The following TXNDC17 variants were observed in gnomAD, a reference collection of about 807,000 sequenced individuals.
TXNDC17 encodes the protein thioredoxin domain containing 17, also known as thioredoxin domain-containing protein 17.
TXNDC17 carries 12 observed loss-of-function variants against 16.3 expected under a neutral mutation model. That is an observed-to-expected ratio of 0.74 (90% CI 0.47 to 1.19). TXNDC17 has a LOEUF of 1.19. Ranked by LOEUF, TXNDC17 falls within the 50% of genes most tolerant of loss-of-function variation. The probability of loss-of-function intolerance (pLI) is 0.00; values close to 1 mark genes in which losing one functional copy is unlikely to be tolerated. For missense variants in TXNDC17, 158 were observed against 149.7 expected (o/e 1.06, Z -0.29); for synonymous variants, 62 against 55.0 (o/e 1.13, Z -0.56).
chr17:6,641,642 G>A, intron 1 of TXNDC17, 111 bp from the exon 2 acceptor site: 1 of 1,029,614 alleles, frequency 9.7e-7, no homozygotes, highest in Non-Finnish European at 1.5e-6. Flanking sequence ...GTTAGCTGCA[G>A]GTTAAAGTCT....
chr17:6,641,286 G>T (rs1021711422), intron 1 of TXNDC17, 59 bp downstream of exon 1: 2 of 1,599,442 alleles, frequency 1.3e-6, no homozygotes, highest in Non-Finnish European at 1.7e-6. Flanking sequence ...TCGAGCCTAC[G>T]GCCAGAAGGG....
intron 3 of TXNDC17, 180 bp downstream of exon 3, chr17:6,642,504 T>G (rs1390176654): frequency 3.8e-6 from 2 of 524,588 alleles, no homozygotes; most frequent in Non-Finnish European, 6.8e-6. Context: ...TATCTAGCTA[T>G]TAGGTCTTTT....
In TXNDC17 at chr17:6,644,028, C is replaced by A. The variant is rs564993875; in HGVS notation, c.*1009C>A. Reference sequence around the variant, plus strand: ...TATGATTTAAAGAGGTCAGTGACTCCGCTACTCTCACTACATCTTAGAGTA... The same window carrying A: ...TATGATTTAAAGAGGTCAGTGACTCAGCTACTCTCACTACATCTTAGAGTA... On this transcript the variant is annotated 3_prime_UTR_variant, in exon 4 of 4. Coordinates refer to ENST00000250101, the MANE Select transcript of TXNDC17 (RefSeq NM_032731.4). 1.0e-5 allele frequency: 4 copies of A among 400,480 alleles called. No homozygotes were observed. The highest frequency in any genetic ancestry group is 1.8e-5 in the Non-Finnish European group (4 of 227,318). 24.8% of individuals were successfully genotyped at this position (400,480 alleles called of 1,614,324 possible).
chr17:6,642,083 C>T (rs1038750342), intron 2 of TXNDC17, 166 bp from the exon 3 acceptor site: 3 of 664,932 alleles, frequency 4.5e-6, no homozygotes, highest in Non-Finnish European at 7.9e-6. Context: ...CACTTTGAAA[C>T]TTTGCACAGG....
chr17:6,642,090 C>T, intron 2 of TXNDC17, 159 bp from the exon 3 acceptor site: 1 of 664,008 alleles, frequency 1.5e-6, no homozygotes, highest in Non-Finnish European at 2.6e-6. Context: ...AAACTTTGCA[C>T]AGGGTAATTA....
In TXNDC17 at chr17:6,641,077, G is replaced by C. The variant is rs1287237276; in HGVS notation, c.-6G>C. On this transcript the variant is annotated 5_prime_UTR_variant, in exon 1 of 4. Transcript: ENST00000250101. Reference sequence around the variant, plus strand: ...ACTCCTCCAGTAGCGGCTGCACGTCGTGCCAATGGCCCGCTATGAGGAGGT... The same window carrying C: ...ACTCCTCCAGTAGCGGCTGCACGTCCTGCCAATGGCCCGCTATGAGGAGGT... 6.2e-7 allele frequency: 1 copy of C among 1,611,834 alleles called. No individual in the cohort carries two copies. The highest frequency in any genetic ancestry group is 8.5e-7 in the Non-Finnish European group (1 of 1,179,534).
At position 6,643,109 on chromosome 17, in the gene TXNDC17, ATGATGTT is replaced by A; in HGVS notation, c.*91_*97del. ...TGCTTTGAATTCATGTTAGCAATAA[ATGATGTT>A]AAAAAAACTGGCATGTGTCTAAACA... On this transcript the variant is annotated 3_prime_UTR_variant, in exon 4 of 4. Coordinates refer to ENST00000250101, the MANE Select transcript of TXNDC17 (RefSeq NM_032731.4). 2 of 1,218,292 alleles carry A rather than the reference ATGATGTT, an allele frequency of 1.6e-6. No individual in the cohort carries two copies. Among genetic ancestry groups the A allele is most frequent in the Non-Finnish European group, 1.2e-6 (1 of 833,980 alleles). 75.5% of individuals were successfully genotyped at this position (1,218,292 alleles called of 1,614,324 possible).
At position 6,642,333 on chromosome 17, in the gene TXNDC17, C is replaced by G; in HGVS notation, c.303+9C>G. ...TACTTAAGTATGGAACAGTAAGTAT[C>G]TTTAAATATGCTGGGCCTGTAATTC... is the stretch of plus-strand genomic sequence containing the variant. On this transcript the variant is annotated intron_variant, in intron 3 of 3. Coordinates refer to ENST00000250101, the MANE Select transcript of TXNDC17 (RefSeq NM_032731.4). 6.4e-7 allele frequency: 1 copy of G among 1,565,582 alleles called. No individual in the cohort carries two copies. The highest frequency in any genetic ancestry group is 1.2e-5 in the South Asian group (1 of 86,522).
chr17:6,643,385 CTTCT>C lies in TXNDC17; in HGVS notation c.*369_*372del, dbSNP rs1972720853. 5.7e-6 allele frequency: 1 copy of C among 175,382 alleles called. No individual in the cohort carries two copies. Among genetic ancestry groups the C allele is most frequent in the Non-Finnish European group, 1.2e-5 (1 of 82,844 alleles). The allele number at this position is 175,382 out of a possible 1,614,324, so 10.9% of individuals were successfully genotyped here. The stretch of plus-strand genomic sequence containing the variant: ...GCAACTGATGATATTCCTGAAACCC[CTTCT>C]TTGATTTTGGAATGTAGAACCTAAC... On this transcript the variant is annotated 3_prime_UTR_variant, in exon 4 of 4. Transcript: ENST00000250101.
At chr17:6,641,551 A>G (rs2150945091) in intron 1 of TXNDC17, 2 of 650,904 alleles carry the variant, frequency 3.1e-6, no homozygotes, top group East Asian at 5.5e-5. Flanking sequence ...TGCAGGGGCA[A>G]ATCGGGACTG....
In TXNDC17 at chr17:6,644,477, G is replaced by A. The variant is rs1972740807; in HGVS notation, c.*1458G>A. The A allele has an allele frequency of 5.0e-6, 8 of 1,595,256 alleles. No individual in the cohort carries two copies. The highest frequency in any genetic ancestry group is 2.7e-5 in the African/African-American group (2 of 74,048). On this transcript the variant is annotated 3_prime_UTR_variant, in exon 4 of 4. Coordinates refer to ENST00000250101, the MANE Select transcript of TXNDC17 (RefSeq NM_032731.4). Reference sequence around the variant, plus strand: ...TTTGTATCCAGTTTTTCATTTTCCCGATGTGTTATTTTGCTGTTGCTGCTC... The same window carrying A: ...TTTGTATCCAGTTTTTCATTTTCCCAATGTGTTATTTTGCTGTTGCTGCTC...
chr17:6,643,021 A>G lies in TXNDC17; in HGVS notation c.*2A>G, dbSNP rs544516930. 4.3e-6 allele frequency: 7 copies of G among 1,613,180 alleles called. No individual in the cohort carries two copies. The highest frequency in any genetic ancestry group is 5.9e-6 in the Non-Finnish European group (7 of 1,179,386). ...GAAATGTTGTTCTCTGAAGATTAAG[A>G]TTTTAGGATGGCAATCATGTCTTGA... On this transcript the variant is annotated 3_prime_UTR_variant, in exon 4 of 4. Coordinates refer to ENST00000250101, the MANE Select transcript of TXNDC17 (RefSeq NM_032731.4).
chr17:6,642,614 G>A (rs1280816004), intron 3 of TXNDC17: 3 of 432,068 alleles, frequency 6.9e-6, no homozygotes, highest in Non-Finnish European at 4.1e-6. Context: ...CATAATTCTG[G>A]TTAAAAAGTA....
At position 6,641,110 on chromosome 17, in the gene TXNDC17, TC is replaced by T; in HGVS notation, c.30del (p.Gly11AlafsTer47). The T allele has an allele frequency of 6.2e-7, 1 of 1,613,572 alleles. No homozygotes were observed. The highest frequency in any genetic ancestry group is 1.3e-5 in the African/African-American group (1 of 75,062). MARYEEVSV[S>X]GFEEFHRAVE... ...GGCCCGCTATGAGGAGGTGAGCGTG[TC>T]CGGCTTCGAGGAGTTCCACCGGGCC... On this transcript the variant is annotated frameshift_variant, in exon 1 of 4. Transcript: ENST00000250101. LOFTEE classifies it high-confidence loss of function.
rs563191962 is a variant in TXNDC17 at position 6,643,116 on chromosome 17, TAAAA to T, written c.*101_*104del. The T allele has an allele frequency of 3.3e-5, 37 of 1,129,568 alleles. No individual in the cohort carries two copies. The Admixed American group carries it at 4.1e-4, about 13-fold the overall frequency. The allele number at this position is 1,129,568 out of a possible 1,614,324, so 70.0% of individuals were successfully genotyped here. A position where few individuals can be genotyped will look rare whatever the true frequency, so the allele number is the denominator to read the frequency against. ...AATTCATGTTAGCAATAAATGATGT[TAAAA>T]AAACTGGCATGTGTCTAAACAATAG... On this transcript the variant is annotated 3_prime_UTR_variant, in exon 4 of 4. Transcript: ENST00000250101.
chr17:6,642,517 A>C, intron 3 of TXNDC17, 193 bp downstream of exon 3: 1 of 509,366 alleles, frequency 2.0e-6, no homozygotes, highest in Non-Finnish European at 3.5e-6. Flanking sequence ...GGTCTTTTTC[A>C]TGTTAAGTCA....
chr17:6,641,924 TC>T, intron 2 of TXNDC17, 90 bp downstream of exon 2: 1 of 1,137,044 alleles, frequency 8.8e-7, no homozygotes, highest in Non-Finnish European at 1.3e-6. Context: ...ACCCAGTTTG[TC>T]TTACAAGGTA....
intron 1 of TXNDC17, 75 bp from the exon 2 acceptor site, chr17:6,641,678 G>A: frequency 7.0e-7 from 1 of 1,419,964 alleles, no homozygotes; most frequent in Non-Finnish European, 9.9e-7. Flanking sequence ...CTGGGGGAAG[G>A]GGGAAAGAAC....
chr17:6,642,528 C>T (rs1171341141), intron 3 of TXNDC17: 4 of 499,538 alleles, frequency 8.0e-6, no homozygotes, highest in African/African-American at 2.0e-5. Context: ...TGTTAAGTCA[C>T]TCTTAAAAAA....
Sources: gnomAD v4.1 joint callset for allele counts on GRCh38, gnomAD v4.1.1 for gene constraint, MANE v1.5 for transcripts, NCBI Gene and HGNC (gene_info 2026-07-23, HGNC 2026-07-21) for gene names.